NR3C1: variants seen among roughly 807,000 people sequenced by gnomAD.
NR3C1 encodes the protein nuclear receptor subfamily 3 group C member 1, also known as glucocorticoid receptor.
In NR3C1, 14 loss-of-function variants were observed where a neutral mutation model predicts 74.0. That is an observed-to-expected ratio of 0.19 (90% CI 0.12 to 0.30). The LOEUF (loss-of-function observed/expected upper bound fraction) is 0.30, where lower values mean the gene tolerates loss of function less well. Among genes scored for constraint, NR3C1 ranks in the 10% least tolerant of loss-of-function variants. NR3C1 has a pLI of 1.00. For synonymous variants in NR3C1, 308 were observed against 332.5 expected (o/e 0.93, Z 0.80); for missense variants, 695 against 909.8 (o/e 0.76, Z 3.04).
At chr5:143,301,869 A>G (rs1248283118) in intron 4 of NR3C1, among the ~76,000 whole-genome samples, 2 of 152,122 alleles carry the variant, frequency 1.3e-5, no homozygotes, top group South Asian at 2.1e-4. Context: ...GGTGGGAACG[A>G]TATCTCAATG....
chr5:143,308,086 C>T (rs959805805), intron 4 of NR3C1, among the ~76,000 whole-genome samples: 1 of 152,032 alleles, frequency 6.6e-6, no homozygotes, highest in South Asian at 2.1e-4. Flanking sequence ...ATAGTCATAC[C>T]CATAAATCTA....
chr5:143,343,742 T>C (rs1369350629), intron 2 of NR3C1, among the ~76,000 whole-genome samples: 2 of 152,230 alleles, frequency 1.3e-5, no homozygotes. Context: ...CTTCATAATA[T>C]TCTTGGAAGG....
chr5:143,365,238 TG>T (rs1561679807), intron 2 of NR3C1, among the ~76,000 whole-genome samples: 1 of 152,208 alleles, frequency 6.6e-6, no homozygotes. Context: ...TAAATGTCAA[TG>T]GTTTAAACTC....
exon 1 of NR3C1, chr5:143,435,406 G>T (rs1374741688): frequency 1.8e-5 from 18 of 985,422 alleles, no homozygotes; most frequent in Non-Finnish European, 2.2e-5. Context: ...AAAGTGATTC[G>T]CCTCTACTCA....
chr5:143,370,595 A>G (rs1301921629), intron 2 of NR3C1, among the ~76,000 whole-genome samples: 2 of 152,224 alleles, frequency 1.3e-5, no homozygotes, highest in African/African-American at 2.4e-5. Context: ...ACAGACTTGT[A>G]CATTGTAGAA....
At chr5:143,373,376 C>T (rs980539051) in intron 2 of NR3C1, among the ~76,000 whole-genome samples, 1 of 150,396 alleles carries the variant, frequency 6.6e-6, no homozygotes, top group Non-Finnish European at 1.5e-5. Flanking sequence ...TAACAAAGAT[C>T]TCTATAAAAA....
chr5:143,303,910 G>A (rs554505300), intron 4 of NR3C1, among the ~76,000 whole-genome samples: 1 of 152,176 alleles, frequency 6.6e-6, no homozygotes, highest in South Asian at 2.1e-4. Context: ...AGGTATTGAA[G>A]GAACATACCT....
chr5:143,291,157 G>A (rs1815856358), intron 7 of NR3C1, among the ~76,000 whole-genome samples: 1 of 152,074 alleles, frequency 6.6e-6, no homozygotes, highest in Non-Finnish European at 1.5e-5. Context: ...CATAGTAAAT[G>A]TCAGTTTAAA....
rs117978986 is a variant in NR3C1, at chr5:143,292,217, G to A, written c.2023+3243C>T. Among the ~76,000 whole-genome samples the A allele has an allele frequency of 1.0e-3, 155 of 152,128 alleles. 3 individuals carry two copies. The East Asian group carries it at 0.022, about 22-fold the overall frequency. On this transcript the variant is annotated intron_variant, in intron 7 of 8. Transcript: ENST00000394464. ...TCTGTTGTTTTTGGGTTTCCTAAGA[G>A]CTCCTTAAACAGCTTGTGTCTTGCA...
intron 1 of NR3C1, among the ~76,000 whole-genome samples, chr5:143,411,833 G>A (rs898485994): frequency 6.6e-6 from 1 of 152,018 alleles, no homozygotes; most frequent in South Asian, 2.1e-4. Context: ...TTCTGCTTGC[G>A]ATGTGGAGTA....
intron 2 of NR3C1, among the ~76,000 whole-genome samples, chr5:143,339,551 AT>A (rs1264533626): frequency 6.6e-6 from 1 of 152,122 alleles, no homozygotes; most frequent in African/African-American, 2.4e-5. Context: ...AAATCCTTTA[AT>A]TTGATAAATG....
intron 7 of NR3C1, among the ~76,000 whole-genome samples, chr5:143,290,952 C>T (rs1815778989): frequency 6.6e-6 from 1 of 152,044 alleles, no homozygotes; most frequent in African/African-American, 2.4e-5. Context: ...TTATCATGCC[C>T]TTGTTTATGC....
chr5:143,402,720 C>G, intron 1 of NR3C1: 1 of 985,356 alleles, frequency 1.0e-6, no homozygotes, highest in Non-Finnish European at 1.2e-6. Flanking sequence ...CCCGCACGCC[C>G]TCCTCAAGCC....
Position 143,281,323 on chromosome 5 carries a change from G to GA in NR3C1, c.*565dup, listed in dbSNP as rs1182983565. 1 of 153,580 alleles carries GA rather than the reference G, an allele frequency of 6.5e-6. No individual in the cohort carries two copies. Among genetic ancestry groups the GA allele is most frequent in the Non-Finnish European group, 1.5e-5 (1 of 68,738 alleles). The allele number at this position is 153,580 out of a possible 1,614,324, so 9.5% of individuals were successfully genotyped here. A position where few individuals can be genotyped will look rare whatever the true frequency, so the allele number is the denominator to read the frequency against. On this transcript the variant is annotated 3_prime_UTR_variant, in exon 9 of 9. Transcript: ENST00000394464. ...ATAACTTGAATAAAAAATTATGTAA[G>GA]AAAAAATGAGCAAGCGTAGTTCACT...
In NR3C1 at chr5:143,278,331, T is replaced by C. The variant is rs915945691; in HGVS notation, c.*3558A>G. 2.6e-5 allele frequency: 4 copies of C among 152,204 alleles called. No homozygotes were observed. Among genetic ancestry groups the C allele is most frequent in the Non-Finnish European group, 4.4e-5 (3 of 68,022 alleles). The allele number at this position is 152,204 out of a possible 1,614,324, so 9.4% of individuals were successfully genotyped here. A position where few individuals can be genotyped will look rare whatever the true frequency, so the allele number is the denominator to read the frequency against. On this transcript the variant is annotated 3_prime_UTR_variant, in exon 9 of 9. Transcript: ENST00000394464. ...AGCATTTAATATACAAAATAGAATA[T>C]TGACACACTTGAATCTATATGTAGT...
At position 143,295,330 on chromosome 5, in the gene NR3C1, A is replaced by G. The variant is rs72481851; in HGVS notation, c.2023+130T>C. ...CTTTCTAATATTTTACATTCATAAA[A>G]ATCATCTGACTAGTAGGAAATAATA... On this transcript the variant is annotated intron_variant, in intron 7 of 8. Transcript: ENST00000394464. The G allele has an allele frequency of 2.0e-5, 29 of 1,415,704 alleles. No homozygotes were observed. In the African/African-American group the frequency reaches 3.9e-4, roughly 19 times the overall value. 87.7% of individuals were successfully genotyped at this position (1,415,704 alleles called of 1,614,324 possible).
At chr5:143,414,151 ATTGCT>A (rs1165582711) in intron 1 of NR3C1, among the ~76,000 whole-genome samples, 2 of 152,314 alleles carry the variant, frequency 1.3e-5, no homozygotes, top group Admixed American at 1.3e-4. Flanking sequence ...TGAATTGATG[ATTGCT>A]TTGCAGAAAT....
chr5:143,370,092 T>G (rs529962211), intron 2 of NR3C1, among the ~76,000 whole-genome samples: 1 of 152,222 alleles, frequency 6.6e-6, no homozygotes, highest in African/African-American at 2.4e-5. Flanking sequence ...TTTAAGATAT[T>G]ATGATACTGA....
chr5:143,332,949 C>T, intron 2 of NR3C1: 1 of 1,578,546 alleles, frequency 6.3e-7, no homozygotes, highest in Non-Finnish European at 8.6e-7. Flanking sequence ...TGTCCGAGAA[C>T]TCATTTTGAA....
Sources: allele counts gnomAD v4.1 joint callset (sites outside exome capture counted in the v4.1 genomes callset), GRCh38; gene constraint gnomAD v4.1.1; transcripts MANE v1.5; gene names NCBI Gene and HGNC (gene_info 2026-07-23, HGNC 2026-07-21).